The following RIMS1 variants were observed in gnomAD, a reference collection of about 807,000 sequenced individuals.
RIMS1 encodes the protein regulating synaptic membrane exocytosis 1, also known as regulating synaptic membrane exocytosis protein 1.
Under a neutral mutation model 214.1 loss-of-function variants are expected in RIMS1, and 83 were observed. The ratio of observed to expected loss-of-function variants is 0.39; its 90% confidence interval spans 0.32 to 0.47. The LOEUF is 0.47. RIMS1 is among the 20% of genes least tolerant of loss of function. RIMS1 has a pLI of 0.99. For synonymous variants in RIMS1, 793 were observed against 786.8 expected, an observed-to-expected ratio of 1.01 and a Z score of -0.13; for missense variants, 2,050 against 2,161.8, an observed-to-expected ratio of 0.95 and a Z score of 1.03.
chr6:72,212,933 A>G lies in RIMS1; in HGVS notation c.1679-20840A>G, dbSNP rs1037286275. Reference sequence around the variant, plus strand: ...TGACCTGAGTCAGTCATGCAAGGAGACTTTCTTGTTCTCACACCAATGTTT... The same window carrying G: ...TGACCTGAGTCAGTCATGCAAGGAGGCTTTCTTGTTCTCACACCAATGTTT... On this transcript the variant is annotated intron_variant, in intron 6 of 33. Coordinates refer to ENST00000521978, the MANE Select transcript of RIMS1 (RefSeq NM_014989.7). 2.9e-6 allele frequency: 4 copies of G among 1,377,340 alleles called. No homozygotes were observed. The African/African-American group carries it at 5.9e-5, about 20-fold the overall frequency. 85.3% of individuals were successfully genotyped at this position (1,377,340 alleles called of 1,614,324 possible).
intron 2 of RIMS1, among the ~76,000 whole-genome samples, chr6:72,072,697 C>A (rs1326360117): frequency 6.6e-6 from 1 of 152,150 alleles, no homozygotes; most frequent in Non-Finnish European, 1.5e-5. Flanking sequence ...AAGATTCCTG[C>A]CCTCAAGCAG....
At chr6:71,911,802 A>C (rs2150602474) in intron 1 of RIMS1, among the ~76,000 whole-genome samples, 1 of 152,290 alleles carries the variant, frequency 6.6e-6, no homozygotes, top group South Asian at 2.1e-4. Flanking sequence ...CTGATGAGTC[A>C]GTATATAGCA....
chr6:72,271,286 A>AAAAAAAATAT (rs1417580438), intron 22 of RIMS1, among the ~76,000 whole-genome samples: 1 of 44,424 alleles, frequency 2.3e-5, no homozygotes, highest in Non-Finnish European at 3.7e-5. Context: ...AAAAAAAAAA[A>AAAAAAAATAT]ATATATATAT....
intron 2 of RIMS1, among the ~76,000 whole-genome samples, chr6:72,042,050 T>C (rs1821599740): frequency 6.6e-6 from 1 of 151,978 alleles, no homozygotes; most frequent in South Asian, 2.1e-4. Context: ...TCTTGCTTTA[T>C]ATTTTTGTCT....
At chr6:72,184,821 G>A (rs903855612) in intron 6 of RIMS1, among the ~76,000 whole-genome samples, 1 of 151,902 alleles carries the variant, frequency 6.6e-6, no homozygotes, top group African/African-American at 2.4e-5. Context: ...GCAAGCACTA[G>A]TATTTAAGGC....
chr6:72,233,666 C>T lies in RIMS1; in HGVS notation c.1679-107C>T, dbSNP rs183041534. ...TGCATCATTCTGCGATGTACACGCT[C>T]AAGCTTATGATATTAAAACTCTTTA... is the stretch of plus-strand genomic sequence containing the variant. On this transcript the variant is annotated intron_variant, in intron 6 of 33. Coordinates refer to ENST00000521978, the MANE Select transcript of RIMS1 (RefSeq NM_014989.7). 1.8e-4 allele frequency: 154 copies of T among 837,996 alleles called. 1 individual carries two copies. The African/African-American group carries it at 2.1e-3, about 11-fold the overall frequency. 51.9% of individuals were successfully genotyped at this position (837,996 alleles called of 1,614,324 possible). A position where few individuals can be genotyped will look rare whatever the true frequency, so the allele number is the denominator to read the frequency against.
chr6:72,103,098 A>G (rs796940138), intron 4 of RIMS1, among the ~76,000 whole-genome samples: 10 of 152,134 alleles, frequency 6.6e-5, no homozygotes, highest in African/African-American at 2.2e-4. Context: ...TTATAAATAT[A>G]GATAAATACA....
chr6:72,088,850 C>A (rs944160278), intron 2 of RIMS1, among the ~76,000 whole-genome samples: 2 of 150,688 alleles, frequency 1.3e-5, no homozygotes, highest in African/African-American at 4.9e-5. Flanking sequence ...TGGCAAAATG[C>A]TTTCCATAGT....
chr6:72,325,429 A>C (rs2096409076), intron 28 of RIMS1, among the ~76,000 whole-genome samples: 1 of 151,208 alleles, frequency 6.6e-6, no homozygotes, highest in Admixed American at 6.6e-5. Flanking sequence ...TCAATCCACT[A>C]AAAGAACCTA....
Position 72,251,314 on chromosome 6 carries a change from C to G in RIMS1, c.2644C>G (p.Pro882Ala). The G allele has an allele frequency of 4.4e-6, 7 of 1,600,912 alleles. No homozygotes were observed. The highest frequency in any genetic ancestry group is 6.0e-6 in the Non-Finnish European group (7 of 1,173,320). ...TTCACTACCTCTGCCTCAGCCATCA[C>G]CTTTCATGCCAAGGCGACATATTCA... is the stretch of plus-strand genomic sequence containing the variant. The part of the protein sequence containing the change: ...ESSLPLPQPS[P>A]FMPRRHIHGE... Residue 882 changes from proline (P) to alanine (A), a missense_variant, in exon 15 of 34, where the codon CCT becomes GCT. Pro to Ala is a conservative substitution (Grantham distance 27). This residue lies in a region of RIMS1 where 889 missense variants were observed against 885.5 expected (regional missense o/e 1.00). Coordinates refer to ENST00000521978, the MANE Select transcript of RIMS1 (RefSeq NM_014989.7).
At chr6:71,950,650 C>T (rs1789181163) in intron 1 of RIMS1, among the ~76,000 whole-genome samples, 1 of 152,174 alleles carries the variant, frequency 6.6e-6, no homozygotes, top group African/African-American at 2.4e-5. Flanking sequence ...AGTTTCTTCT[C>T]TAATTTCTGT....
chr6:72,198,851 G>A (rs1457388492), intron 6 of RIMS1, among the ~76,000 whole-genome samples: 2 of 151,862 alleles, frequency 1.3e-5, no homozygotes, highest in East Asian at 1.9e-4. Flanking sequence ...CCGCAATTCT[G>A]TATTCATCTA....
chr6:72,205,461 T>G (rs1026348236), intron 6 of RIMS1, among the ~76,000 whole-genome samples: 9 of 152,120 alleles, frequency 5.9e-5, no homozygotes, highest in Non-Finnish European at 1.2e-4. Flanking sequence ...TGAGTTAGGT[T>G]AGAAATTAGG....
chr6:71,919,240 T>A (rs1582618855), intron 1 of RIMS1, among the ~76,000 whole-genome samples: 1 of 151,814 alleles, frequency 6.6e-6, no homozygotes, highest in Admixed American at 6.6e-5. Flanking sequence ...GAGAGATAGG[T>A]GGGAAAAATT....
At chr6:72,333,914 A>G in intron 29 of RIMS1, 79 bp downstream of exon 29, 1 of 1,017,394 alleles carries the variant, frequency 9.8e-7, no homozygotes. Context: ...ATGGCTTGTG[A>G]TGGAATTGTG....
chr6:72,314,031 T>C (rs1028403479), intron 28 of RIMS1, among the ~76,000 whole-genome samples: 2 of 152,212 alleles, frequency 1.3e-5, no homozygotes, highest in Non-Finnish European at 2.9e-5. Flanking sequence ...AATGTCATTA[T>C]AGTGTGACAG....
In RIMS1 at chr6:72,120,446, C is replaced by T. The variant is rs552063819; in HGVS notation, c.471+20460C>T. Among the ~76,000 whole-genome samples, 169 of 151,928 alleles carry T rather than the reference C, an allele frequency of 1.1e-3. 2 individuals are homozygous for T. The highest frequency in any genetic ancestry group is 3.9e-3 in the African/African-American group (163 of 41,522). ...TTCATGTGTTTGTTGGCTGCATAAACGTCTTCTTTTGAGAAGTATCTGTTC... is the reference window on the plus strand; with the variant it reads ...TTCATGTGTTTGTTGGCTGCATAAATGTCTTCTTTTGAGAAGTATCTGTTC... On this transcript the variant is annotated intron_variant, in intron 4 of 33. Transcript: ENST00000521978.
intron 2 of RIMS1, among the ~76,000 whole-genome samples, chr6:72,043,105 T>C (rs1821910183): frequency 6.6e-6 from 1 of 151,634 alleles, no homozygotes; most frequent in Non-Finnish European, 1.5e-5. Context: ...CATGTTTCAA[T>C]TTATCTTAGA....
At chr6:71,953,849 G>A (rs886939499) in intron 1 of RIMS1, among the ~76,000 whole-genome samples, 2 of 152,124 alleles carry the variant, frequency 1.3e-5, no homozygotes, top group Admixed American at 6.5e-5. Flanking sequence ...ATAAGGATGC[G>A]AGAATTACAG....
Sources: gnomAD v4.1 joint callset for allele counts (sites outside exome capture counted in the v4.1 genomes callset) on GRCh38, gnomAD v4.1.1 for gene constraint, gnomAD v4.1.1 regional missense constraint, MANE v1.5 for transcripts, NCBI Gene and HGNC (gene_info 2026-07-23, HGNC 2026-07-21) for gene names.